The following MYZAP variants were observed in gnomAD, a reference collection of about 807,000 sequenced individuals.
MYZAP encodes myocardial zonula adherens protein.
Under a neutral mutation model 69.4 loss-of-function variants are expected in MYZAP, and 66 were observed. That is an observed-to-expected ratio of 0.95 (90% CI 0.78 to 1.17). The LOEUF is 1.17. Ranked by LOEUF, MYZAP falls within the 50% of genes most tolerant of loss-of-function variation. The pLI, the probability that MYZAP is intolerant of heterozygous loss-of-function variation, is 0.00. For missense variants in MYZAP, 611 were observed against 556.2 expected, an observed-to-expected ratio of 1.10 and a Z score of -0.99; for synonymous variants, 256 against 205.9, an observed-to-expected ratio of 1.24 and a Z score of -2.09.
chr15:57,605,807 C>G (rs992930534), intron 2 of MYZAP, among the ~76,000 whole-genome samples: 1 of 152,106 alleles, frequency 6.6e-6, no homozygotes, highest in East Asian at 1.9e-4. Context: ...AGGTTTCACT[C>G]AGAGATGAAT....
intron 11 of MYZAP, among the ~76,000 whole-genome samples, chr15:57,668,327 A>T (rs996408603): frequency 2.6e-5 from 4 of 152,306 alleles, no homozygotes; most frequent in Non-Finnish European, 5.9e-5. Flanking sequence ...GGGTCGTAAA[A>T]GGAGGTATAA....
At chr15:57,658,983 G>A (rs1483734194) in intron 10 of MYZAP, among the ~76,000 whole-genome samples, 1 of 152,184 alleles carries the variant, frequency 6.6e-6, no homozygotes, top group Non-Finnish European at 1.5e-5. Context: ...GAGAAGGCAA[G>A]ACAGATGCTT....
chr15:57,682,360 T>G (rs1382809895), intron 12 of MYZAP, among the ~76,000 whole-genome samples: 2 of 152,180 alleles, frequency 1.3e-5, no homozygotes, highest in Non-Finnish European at 2.9e-5. Flanking sequence ...GAAATGTAGT[T>G]GAGTTGTGTG....
chr15:57,632,298 T>G (rs2036551525), intron 6 of MYZAP, 136 bp from the exon 7 acceptor site: 2 of 1,411,260 alleles, frequency 1.4e-6, no homozygotes, highest in African/African-American at 1.4e-5. Context: ...TGTTAGGTCT[T>G]GCTGTGTCTC....
At chr15:57,633,868 C>A in intron 8 of MYZAP, 127 bp downstream of exon 8, 10 of 1,094,582 alleles carry the variant, frequency 9.1e-6, no homozygotes, top group African/African-American at 1.6e-5. Context: ...AAAAAAAAGA[C>A]AAAGCTATAA....
At chr15:57,632,664 A>G (rs747302726) in intron 7 of MYZAP, 105 bp downstream of exon 7, 16 of 1,524,468 alleles carry the variant, frequency 1.0e-5, no homozygotes, top group Non-Finnish European at 1.4e-5. Context: ...GGGTCAGTAG[A>G]CTCAGCCATG....
At chr15:57,597,812 C>CT (rs1367925575) in intron 1 of MYZAP, among the ~76,000 whole-genome samples, 4 of 152,218 alleles carry the variant, frequency 2.6e-5, no homozygotes, top group African/African-American at 9.7e-5. Context: ...GCCAAGAGGT[C>CT]TAATCTAGAT....
At chr15:57,662,564 G>A (rs1567233946) in intron 11 of MYZAP, among the ~76,000 whole-genome samples, 1 of 152,222 alleles carries the variant, frequency 6.6e-6, no homozygotes, top group African/African-American at 2.4e-5. Context: ...ACTGTGCTAT[G>A]TGTGGGTGAC....
rs752397532 is a variant in MYZAP at position 57,661,572 on chromosome 15, C to T, written c.1203+39C>T. 7.2e-6 allele frequency: 11 copies of T among 1,535,516 alleles called. No individual in the cohort carries two copies. The Admixed American group carries it at 1.5e-4, about 22-fold the overall frequency. On this transcript the variant is annotated intron_variant, in intron 11 of 12. Coordinates refer to ENST00000267853, the MANE Select transcript of MYZAP (RefSeq NM_001018100.5). Reference sequence around the variant, plus strand: ...TTTCTTTAAGTTGGTGTCTTCCCTACCATTAAATTTTATGTTGCTAAGCCT... The same window carrying T: ...TTTCTTTAAGTTGGTGTCTTCCCTATCATTAAATTTTATGTTGCTAAGCCT...
At chr15:57,608,907 C>T (rs2034928210) in intron 2 of MYZAP, among the ~76,000 whole-genome samples, 1 of 152,130 alleles carries the variant, frequency 6.6e-6, no homozygotes, top group Non-Finnish European at 1.5e-5. Flanking sequence ...CTCAGTTTAT[C>T]TAAGTCTTCC....
chr15:57,618,741 T>A (rs1358073158), intron 3 of MYZAP, among the ~76,000 whole-genome samples: 1 of 152,228 alleles, frequency 6.6e-6, no homozygotes, highest in Non-Finnish European at 1.5e-5. Flanking sequence ...ATAATCTCAC[T>A]ATTCATCCAG....
Position 57,680,713 on chromosome 15 carries a change from T to C in MYZAP, c.1305-3689T>C, listed in dbSNP as rs1324766682. On this transcript the variant is annotated intron_variant, in intron 12 of 12. Coordinates refer to ENST00000267853, the MANE Select transcript of MYZAP (RefSeq NM_001018100.5). ...CTTGGTTTCCAGCAAACCAGCAAAC[T>C]TGGTTTTCATCAATTATGTCTTAAT... The C allele has an allele frequency of 5.3e-5, 8 of 152,320 alleles. No homozygotes were observed. The East Asian group carries it at 1.3e-3, about 26-fold the overall frequency. 9.4% of individuals were successfully genotyped at this position (152,320 alleles called of 1,614,324 possible).
chr15:57,620,713 T>C (rs956421947), intron 3 of MYZAP, among the ~76,000 whole-genome samples: 10 of 152,200 alleles, frequency 6.6e-5, no homozygotes, highest in South Asian at 4.1e-4. Context: ...ATATTTTACT[T>C]CCTTCCATTC....
intron 10 of MYZAP, chr15:57,647,394 A>G: frequency 3.0e-6 from 3 of 985,310 alleles, no homozygotes; most frequent in Non-Finnish European, 3.6e-6. Context: ...TGTTACCTAC[A>G]CTGTTTTTTA....
At chr15:57,662,498 C>G (rs901936039) in intron 11 of MYZAP, among the ~76,000 whole-genome samples, 4 of 152,168 alleles carry the variant, frequency 2.6e-5, no homozygotes, top group Admixed American at 6.5e-5. Flanking sequence ...GGATCTGCTT[C>G]TTATCAGCTG....
At chr15:57,612,458 A>T (rs1380219036) in intron 2 of MYZAP, among the ~76,000 whole-genome samples, 2 of 152,262 alleles carry the variant, frequency 1.3e-5, no homozygotes, top group African/African-American at 4.8e-5. Flanking sequence ...CTCAGTGTCA[A>T]GGATGACTGT....
chr15:57,683,472 C>T (rs560989850), intron 12 of MYZAP, among the ~76,000 whole-genome samples: 1 of 152,128 alleles, frequency 6.6e-6, no homozygotes, highest in Non-Finnish European at 1.5e-5. Flanking sequence ...CATATCTTTC[C>T]CACCAGGTGA....
In MYZAP at chr15:57,631,071, A is replaced by G. The variant is rs536726952; in HGVS notation, c.678+1217A>G. Among the ~76,000 whole-genome samples the G allele has an allele frequency of 8.0e-4, 122 of 152,308 alleles. 2 individuals carry two copies. In the South Asian group the frequency reaches 8.5e-3, roughly 11 times the overall value. ...CATCTCCTCTGTATGTTCACTTCTA[A>G]TAGGGCAGCTCTTCTTTTCCGTGTA... On this transcript the variant is annotated intron_variant, in intron 6 of 12. Coordinates refer to ENST00000267853, the MANE Select transcript of MYZAP (RefSeq NM_001018100.5).
At chr15:57,635,202 T>C (rs143015873) in intron 8 of MYZAP, among the ~76,000 whole-genome samples, 256 of 152,328 alleles carry the variant, frequency 1.7e-3, no homozygotes, top group African/African-American at 5.7e-3. Flanking sequence ...TCTCCACTTC[T>C]GTAAAATGCT....
Sources: gnomAD v4.1 joint callset for allele counts (sites outside exome capture counted in the v4.1 genomes callset) on GRCh38, gnomAD v4.1.1 for gene constraint, MANE v1.5 for transcripts, NCBI Gene and HGNC (gene_info 2026-07-23, HGNC 2026-07-21) for gene names.